Variants in E2F3 observed in about 807,000 individuals in gnomAD.
E2F3 encodes E2F transcription factor 3.
E2F3 carries 11 observed loss-of-function variants against 44.4 expected under a neutral mutation model. The ratio of observed to expected loss-of-function variants is 0.25; its 90% CI spans 0.16 to 0.41. The LOEUF is 0.41. E2F3 is among the 10% of genes least tolerant of loss of function. The pLI, the probability that E2F3 is intolerant of heterozygous loss-of-function variation, is 1.00. For synonymous variants in E2F3, 249 were observed against 253.0 expected, an observed-to-expected ratio of 0.98 and a Z score of 0.15; for missense variants, 487 against 583.6, an observed-to-expected ratio of 0.83 and a Z score of 1.70.
rs189917612 is a variant in E2F3, at chr6:20,450,350, G to C, written c.394-29496G>C. Reference sequence around the variant, plus strand: ...TGAGATGGTATCTCATTGTGGTTTTGATTTGCATTTTTCTAATGATCAGTG... The same window carrying C: ...TGAGATGGTATCTCATTGTGGTTTTCATTTGCATTTTTCTAATGATCAGTG... On this transcript the variant is annotated intron_variant, in intron 1 of 6. Coordinates refer to ENST00000346618, the MANE Select transcript of E2F3 (RefSeq NM_001949.5). 1.8e-4 allele frequency among the ~76,000 whole-genome samples: 27 copies of C among 152,190 alleles called. No homozygotes were observed. The East Asian group carries it at 5.2e-3, about 29-fold the overall frequency.
chr6:20,483,539 A>G (rs4134947), intron 4 of E2F3, among the ~76,000 whole-genome samples: 5,349 of 152,244 alleles, frequency 0.035, 121 homozygotes, highest in East Asian at 0.11. Context: ...AACCCCTCTC[A>G]ATTCCTCTGT....
At chr6:20,450,294 G>T (rs948039535) in intron 1 of E2F3, among the ~76,000 whole-genome samples, 1 of 151,978 alleles carries the variant, frequency 6.6e-6, no homozygotes, top group African/African-American at 2.4e-5. Flanking sequence ...ATTGTTTTTT[G>T]ATTGTTTAAT....
chr6:20,469,902 A>G (rs933442591), intron 1 of E2F3, among the ~76,000 whole-genome samples: 1 of 152,156 alleles, frequency 6.6e-6, no homozygotes, highest in African/African-American at 2.4e-5. Context: ...CACTGTAAAA[A>G]GCTGGAGAAG....
chr6:20,485,230 T>C (rs116278052), intron 4 of E2F3, among the ~76,000 whole-genome samples: 213 of 152,298 alleles, frequency 1.4e-3, no homozygotes, highest in African/African-American at 4.8e-3. Flanking sequence ...TCTTTCATGA[T>C]AGCCTTTTAG....
chr6:20,428,034 A>T (rs1345811337), intron 1 of E2F3, among the ~76,000 whole-genome samples: 1 of 152,146 alleles, frequency 6.6e-6, no homozygotes, highest in Admixed American at 6.5e-5. Context: ...ACTCTGAAGT[A>T]CTGAAATGTT....
rs371743374 is a variant in E2F3, at chr6:20,446,159, TA to T, written c.394-33686del. Among the ~76,000 whole-genome samples, 430 of 152,292 alleles carry T rather than the reference TA, an allele frequency of 2.8e-3. 3 individuals are homozygous for T. The highest frequency in any genetic ancestry group is 9.7e-3 in the African/African-American group (405 of 41,548). ...TCCTTTTTTTTTTCCTCATTAATGT[TA>T]TAACAAAATGACATTGAATGAAATG... On this transcript the variant is annotated intron_variant, in intron 1 of 6. Transcript: ENST00000346618.
At chr6:20,485,087 C>T (rs1393639368) in intron 4 of E2F3, among the ~76,000 whole-genome samples, 1 of 151,992 alleles carries the variant, frequency 6.6e-6, no homozygotes, top group Admixed American at 6.6e-5. Flanking sequence ...ATACTACCTG[C>T]TGAAATGCCT....
At chr6:20,403,188 C>T (rs1759367988) in intron 1 of E2F3, among the ~76,000 whole-genome samples, 1 of 124,774 alleles carries the variant, frequency 8.0e-6, no homozygotes, top group Non-Finnish European at 1.6e-5. Flanking sequence ...TAACTCCCGG[C>T]AACAAAGGGG....
chr6:20,450,634 A>G (rs1468441682), intron 1 of E2F3, among the ~76,000 whole-genome samples: 1 of 151,946 alleles, frequency 6.6e-6, no homozygotes, highest in East Asian at 1.9e-4. Context: ...GTTTAATTAG[A>G]TCCCATTTGT....
chr6:20,479,898 G>T lies in E2F3; in HGVS notation c.446G>T (p.Gly149Val). The change falls in exon 2 of 7, where the codon GGT (glycine) becomes GTT (valine). Residue 149 changes from glycine (G) to valine (V), a missense_variant. Around this residue, in one of 3 missense-constraint regions of E2F3, gnomAD observed 238 missense variants for 236.0 expected, o/e 1.01. Coordinates refer to ENST00000346618, the MANE Select transcript of E2F3 (RefSeq NM_001949.5). ...AGCGGTCATCAGTACCTCTCAGATG[G>T]TTTAAAAACCCCCAAGGGCAAAGGA... The part of the protein sequence containing the change: ...GESGHQYLSD[G>V]LKTPKGKGRA... 3 of 1,613,046 alleles carry T rather than the reference G, an allele frequency of 1.9e-6. No homozygotes were observed. Among genetic ancestry groups the T allele is most frequent in the Non-Finnish European group, 2.5e-6 (3 of 1,179,592 alleles).
chr6:20,467,753 G>GT (rs1305140499), intron 1 of E2F3, among the ~76,000 whole-genome samples: 2 of 152,092 alleles, frequency 1.3e-5, no homozygotes, highest in Admixed American at 6.5e-5. Context: ...TGCATATTTT[G>GT]TTTTTTTCTT....
chr6:20,407,554 G>T (rs1292407297), intron 1 of E2F3, among the ~76,000 whole-genome samples: 1 of 152,174 alleles, frequency 6.6e-6, no homozygotes, highest in Admixed American at 6.5e-5. Flanking sequence ...ATTGACAGAC[G>T]GGGTGAAAGC....
rs1762010609 is a variant in E2F3 at position 20,475,332 on chromosome 6, GTTT to G, written c.394-4513_394-4511del. On this transcript the variant is annotated intron_variant, in intron 1 of 6. Transcript: ENST00000346618. The stretch of plus-strand genomic sequence containing the variant: ...GACATGGAAATTTCCCTAACCTACA[GTTT>G]AATGGTTCCATAGGCCTTTGCCTCA... Among the ~76,000 whole-genome samples the G allele has an allele frequency of 3.3e-5, 5 of 152,178 alleles. No homozygotes were observed. The South Asian group carries it at 8.3e-4, about 25-fold the overall frequency.
chr6:20,455,617 G>A (rs991149911), intron 1 of E2F3, among the ~76,000 whole-genome samples: 4 of 152,194 alleles, frequency 2.6e-5, no homozygotes, highest in Non-Finnish European at 4.4e-5. Context: ...GTTGGCTGAA[G>A]AGAGAGTCGA....
chr6:20,442,149 T>A (rs570525623), intron 1 of E2F3, among the ~76,000 whole-genome samples: 8 of 152,288 alleles, frequency 5.3e-5, no homozygotes, highest in African/African-American at 1.9e-4. Context: ...CTGACCTGGT[T>A]GGACATGCAT....
rs752957903 is a variant in E2F3 at position 20,481,222 on chromosome 6, A to T, written c.522A>T (p.Ser174=). ...PDSPKTPKSP[S]EKTRYDTSLG... ...TTCTTTAAGCTCCAAAATCTCCCTC[A>T]GAAAAAACGCGGTATGATACGTCTC... Residue 174 remains serine (S), a synonymous_variant, in exon 3 of 7, where the codon TCA becomes TCT. Coordinates refer to ENST00000346618, the MANE Select transcript of E2F3 (RefSeq NM_001949.5). The T allele has an allele frequency of 6.8e-5, 110 of 1,613,716 alleles. No homozygotes were observed. The highest frequency in any genetic ancestry group is 1.8e-4 in the Admixed American group (11 of 59,976).
At position 20,480,806 on chromosome 6, in the gene E2F3, G is replaced by A. The variant is rs138218883; in HGVS notation, c.506-400G>A. On this transcript the variant is annotated intron_variant, in intron 2 of 6. Transcript: ENST00000346618. ...TAAGACCTTGTCCTGCAGTGCTAGTGAGACTCATAGCCTGGCTCCATCACC... is the reference window on the plus strand; with the variant it reads ...TAAGACCTTGTCCTGCAGTGCTAGTAAGACTCATAGCCTGGCTCCATCACC... Among the ~76,000 whole-genome samples, 144 of 152,308 alleles carry A rather than the reference G, an allele frequency of 9.5e-4. 2 individuals are homozygous for A. The highest frequency in any genetic ancestry group is 3.3e-3 in the African/African-American group (138 of 41,578).
chr6:20,430,436 A>T (rs556497276), intron 1 of E2F3, among the ~76,000 whole-genome samples: 1 of 152,340 alleles, frequency 6.6e-6, no homozygotes, highest in South Asian at 2.1e-4. Context: ...TTAAGTAATA[A>T]ATCTCGTATA....
intron 1 of E2F3, among the ~76,000 whole-genome samples, chr6:20,473,766 G>C (rs1266394129): frequency 1.3e-5 from 2 of 152,130 alleles, no homozygotes; most frequent in Non-Finnish European, 2.9e-5. Flanking sequence ...CCAGTGAAAA[G>C]AACCCAGTAC....
Sources: allele counts gnomAD v4.1 joint callset (sites outside exome capture counted in the v4.1 genomes callset), GRCh38; gene constraint gnomAD v4.1.1; regional missense constraint gnomAD v4.1.1; transcripts MANE v1.5; gene names NCBI Gene and HGNC (gene_info 2026-07-23, HGNC 2026-07-21).